The following GPR143 variants were observed in gnomAD, a reference collection of about 807,000 sequenced individuals.
GPR143 encodes G-protein coupled receptor 143.
GPR143 carries 8 observed loss-of-function variants against 27.6 expected under a neutral mutation model. The observed-to-expected ratio is 0.29, with a 90% CI of 0.17 to 0.52. The LOEUF (loss-of-function observed/expected upper bound fraction) is 0.52. GPR143 is among the 20% of genes least tolerant of loss of function. The pLI is 0.96. For missense variants in GPR143, 303 were observed against 343.1 expected (o/e 0.88, Z 0.92); for synonymous variants, 156 against 153.2 (o/e 1.02, Z -0.13).
intron 7 of GPR143, among the ~76,000 whole-genome samples, chrX:9,740,248 C>T (rs1207777906): frequency 8.9e-6 from 1 of 112,118 alleles, no homozygotes; most frequent in Non-Finnish European, 1.9e-5. Flanking sequence ...GGGAAACATC[C>T]CTCCACTCTT....
At chrX:9,748,226 C>T (rs1262734806) in intron 4 of GPR143, among the ~76,000 whole-genome samples, 1 of 112,662 alleles carries the variant, frequency 8.9e-6, no homozygotes, top group Non-Finnish European at 1.9e-5. Flanking sequence ...GCTTGAAGAC[C>T]AAATACTTAA....
At chrX:9,755,550 C>T (rs1375276988) in intron 3 of GPR143, among the ~76,000 whole-genome samples, 2 of 108,508 alleles carry the variant, frequency 1.8e-5, no homozygotes, top group Non-Finnish European at 3.8e-5. Flanking sequence ...TTGTATGAAA[C>T]TCCCAAGACA....
upstream of GPR143, chrX:9,766,030 G>A (rs2083531882): frequency 3.4e-6 from 1 of 292,583 alleles, no homozygotes; most frequent in African/African-American, 2.7e-5. Flanking sequence ...GGGCGGAGGA[G>A]GAGGACAGAG....
chrX:9,772,187 A>G (rs2083557215), intron 1 of GPR143, among the ~76,000 whole-genome samples: 1 of 111,887 alleles, frequency 8.9e-6, no homozygotes, highest in Non-Finnish European at 1.9e-5. Flanking sequence ...AGAGAGGCAA[A>G]TACGCGATTT....
chrX:9,743,218 CAAAAAAAA>C (rs35238066), intron 6 of GPR143, among the ~76,000 whole-genome samples: 1 of 37,269 alleles, frequency 2.7e-5, no homozygotes, highest in African/African-American at 1.1e-4. Flanking sequence ...GACCCTGTCT[CAAAAAAAA>C]AAAAAAAAAA....
chrX:9,763,886 A>G (rs2083514450), intron 1 of GPR143, among the ~76,000 whole-genome samples: 1 of 112,812 alleles, frequency 8.9e-6, no homozygotes, highest in Non-Finnish European at 1.9e-5. Flanking sequence ...GCAGCCATGA[A>G]TAATTCACAA....
chrX:9,732,596 C>T (rs1412435910), intron 8 of GPR143, among the ~76,000 whole-genome samples: 1 of 111,200 alleles, frequency 9.0e-6, no homozygotes, highest in Non-Finnish European at 1.9e-5. Flanking sequence ...GGCACGGTGA[C>T]TCACACCTAT....
At chrX:9,759,231 G>T (rs1485154007) in intron 3 of GPR143, 101 bp downstream of exon 3, 1 of 551,200 alleles carries the variant, frequency 1.8e-6, no homozygotes, top group Admixed American at 2.7e-5. Context: ...CTGAATGACG[G>T]TGTCTGCAAC....
chrX:9,736,572 A>G (rs148827150), intron 8 of GPR143, among the ~76,000 whole-genome samples: 1,171 of 111,509 alleles, frequency 0.011, 16 homozygotes, highest in African/African-American at 0.037. Context: ...ATACAGGTTC[A>G]TACTACCAGG....
rs1387841853 is a variant in GPR143, at chrX:9,741,473, G to A, written c.768-18C>T. On this transcript the variant is annotated intron_variant, in intron 6 of 8. Transcript: ENST00000467482. The stretch of plus-strand genomic sequence containing the variant: ...ACAACCAACTGTTAGAAAGAAAATG[G>A]CAGCAGGTAAAGAGAACATGCAATG... 2 of 792,009 alleles carry A rather than the reference G, an allele frequency of 2.5e-6. No homozygotes were observed. Among genetic ancestry groups the A allele is most frequent in the African/African-American group, 2.0e-5 (1 of 49,581 alleles). The allele number at this position is 792,009 out of a possible 1,213,427, so 65.3% of individuals were successfully genotyped here. A position where few individuals can be genotyped will look rare whatever the true frequency, so the allele number is the denominator to read the frequency against.
At chrX:9,751,164 T>TAC (rs1366657965) in intron 3 of GPR143, among the ~76,000 whole-genome samples, 1 of 112,858 alleles carries the variant, frequency 8.9e-6, no homozygotes. Context: ...CCTGTGCCAC[T>TAC]ACGCTAAGGG....
chrX:9,743,859 T>C (rs1055235129), intron 5 of GPR143, among the ~76,000 whole-genome samples, 186 bp from the exon 6 acceptor site: 2 of 112,587 alleles, frequency 1.8e-5, no homozygotes, highest in Non-Finnish European at 3.7e-5. Context: ...GGAATATACA[T>C]ATTTTTAAAC....
chrX:9,760,990 G>A (rs1046117936), intron 1 of GPR143, among the ~76,000 whole-genome samples, 164 bp from the exon 2 acceptor site: 12 of 110,727 alleles, frequency 1.1e-4, no homozygotes, highest in African/African-American at 3.3e-4. Flanking sequence ...AAAAAGACAA[G>A]GAGGGAAAAG....
chrX:9,773,121 C>T (rs1250402466), intron 1 of GPR143, among the ~76,000 whole-genome samples: 1 of 111,643 alleles, frequency 9.0e-6, no homozygotes, highest in Non-Finnish European at 1.9e-5. Flanking sequence ...ATTCACATCG[C>T]GTGCTTTTTC....
At chrX:9,763,248 G>A (rs1362060557) in intron 1 of GPR143, among the ~76,000 whole-genome samples, 2 of 111,072 alleles carry the variant, frequency 1.8e-5, no homozygotes, top group Non-Finnish European at 3.8e-5. Context: ...GGAGGCCGAA[G>A]TAGGAGGATC....
In GPR143 at chrX:9,725,748, A is replaced by G. The variant is rs1352880015; in HGVS notation, c.1213T>C (p.Ter405ArgextTer84). The part of the protein sequence containing the change: ...DPALPTHGDL[*>R] ...TCTGGACCCCCAGCACATCCCCTTC[A>G]TAGGTCTCCATGGGTTGGGAGAGCA... Residue 405 changes from the stop codon to arginine, a stop_lost, in exon 9 of 9, where the codon TGA becomes CGA. Coordinates refer to ENST00000467482, the MANE Select transcript of GPR143 (RefSeq NM_000273.3). The G allele has an allele frequency of 1.7e-6, 2 of 1,188,138 alleles. No homozygotes were observed. The highest frequency in any genetic ancestry group is 1.1e-6 in the Non-Finnish European group (1 of 874,464).
chrX:9,754,976 G>C (rs141670136), intron 3 of GPR143, among the ~76,000 whole-genome samples: 291 of 111,635 alleles, frequency 2.6e-3, no homozygotes, highest in African/African-American at 9.0e-3. Context: ...AGAGCTGCAG[G>C]GCCATGGCTG....
chrX:9,753,369 T>G (rs1372593748), intron 3 of GPR143, among the ~76,000 whole-genome samples: 2 of 27,156 alleles, frequency 7.4e-5, no homozygotes, highest in East Asian at 1.5e-3. Flanking sequence ...AAAAAATAAA[T>G]AAATAAATAA....
At chrX:9,773,446 C>T (rs1397388737) in intron 1 of GPR143, among the ~76,000 whole-genome samples, 4 of 109,552 alleles carry the variant, frequency 3.7e-5, no homozygotes, top group African/African-American at 1.3e-4. Context: ...AACACTTTTA[C>T]ATAAATCTGC....
Sources: gnomAD v4.1 joint callset for allele counts (sites outside exome capture counted in the v4.1 genomes callset) on GRCh38, gnomAD v4.1.1 for gene constraint, MANE v1.5 for transcripts, NCBI Gene and HGNC (gene_info 2026-07-23, HGNC 2026-07-21) for gene names.